FHIP1A: variants seen among roughly 807,000 people sequenced by gnomAD.
The protein encoded by FHIP1A is FHF complex subunit HOOK interacting protein 1A.
FHIP1A carries 61 observed loss-of-function variants against 88.6 expected under a neutral mutation model. That is an observed-to-expected ratio of 0.69 (90% CI 0.56 to 0.85). The LOEUF is 0.85. FHIP1A is among the 40% of genes least tolerant of loss of function. The pLI is 0.00. For missense variants in FHIP1A, 1,154 were observed against 1,273.5 expected, an observed-to-expected ratio of 0.91 and a Z score of 1.43; for synonymous variants, 478 against 496.0, an observed-to-expected ratio of 0.96 and a Z score of 0.48.
rs561315713 is a variant in FHIP1A at position 151,538,088 on chromosome 4, G to GGTTTGTATTTCAT, written c.-122-28046_-122-28034dup. 1.6e-4 allele frequency among the ~76,000 whole-genome samples: 24 copies of GGTTTGTATTTCAT among 152,264 alleles called. No individual in the cohort carries two copies. In the South Asian group the frequency reaches 5.0e-3, roughly 32 times the overall value. ...GAGTCAGAAGCAGCAAACTTTGAGG[G>GGTTTGTATTTCAT]GTTTGTATTTCATGTTGAGAACGTT... is the stretch of plus-strand genomic sequence containing the variant. On this transcript the variant is annotated intron_variant, in intron 3 of 13. Transcript: ENST00000435205.
intron 3 of FHIP1A, among the ~76,000 whole-genome samples, chr4:151,555,814 A>G (rs1013470381): frequency 2.0e-5 from 3 of 152,172 alleles, no homozygotes; most frequent in Admixed American, 1.3e-4. Context: ...TCAGCTAGTA[A>G]TTTTGATCAA....
At chr4:151,528,833 C>A (rs1030216339) in intron 3 of FHIP1A, among the ~76,000 whole-genome samples, 1 of 152,034 alleles carries the variant, frequency 6.6e-6, no homozygotes, top group Non-Finnish European at 1.5e-5. Flanking sequence ...ATAATATTTT[C>A]CCCCCCTTCA....
At chr4:151,536,727 G>T (rs1182518199) in intron 3 of FHIP1A, among the ~76,000 whole-genome samples, 1 of 152,180 alleles carries the variant, frequency 6.6e-6, no homozygotes, top group Non-Finnish European at 1.5e-5. Flanking sequence ...TATCTCAGCT[G>T]ATTCTGGTTT....
At chr4:151,620,472 A>G (rs1247768711) in intron 7 of FHIP1A, among the ~76,000 whole-genome samples, 1 of 152,224 alleles carries the variant, frequency 6.6e-6, no homozygotes, top group Non-Finnish European at 1.5e-5. Context: ...AGGTCGTCTT[A>G]AGCATTTGAC....
chr4:151,531,850 T>A (rs1294938402), intron 3 of FHIP1A, among the ~76,000 whole-genome samples: 1 of 152,170 alleles, frequency 6.6e-6, no homozygotes, highest in Non-Finnish European at 1.5e-5. Context: ...GGACAGAGCC[T>A]AAGTCAGAAT....
chr4:151,527,196 G>A (rs955893894), intron 3 of FHIP1A, among the ~76,000 whole-genome samples: 2 of 152,168 alleles, frequency 1.3e-5, no homozygotes, highest in Non-Finnish European at 2.9e-5. Flanking sequence ...AGGTTGTAGC[G>A]AGCCGAGATC....
At chr4:151,541,631 CTGTT>C (rs1393533833) in intron 3 of FHIP1A, among the ~76,000 whole-genome samples, 1 of 152,178 alleles carries the variant, frequency 6.6e-6, no homozygotes, top group Non-Finnish European at 1.5e-5. Context: ...TTTTGGCACA[CTGTT>C]TTCCTCAGTT....
intron 1 of FHIP1A, among the ~76,000 whole-genome samples, chr4:151,452,499 G>C (rs965210239): frequency 7.9e-5 from 12 of 152,166 alleles, no homozygotes; most frequent in Admixed American, 2.0e-4. Flanking sequence ...GCTGAGGTGG[G>C]CGGATCAGTT....
intron 7 of FHIP1A, among the ~76,000 whole-genome samples, chr4:151,592,684 T>G (rs1367642685): frequency 6.6e-6 from 1 of 152,236 alleles, no homozygotes; most frequent in Non-Finnish European, 1.5e-5. Context: ...ATGGATAGAT[T>G]GCAAAAATTT....
chr4:151,634,599 G>A (rs573566695), intron 8 of FHIP1A, among the ~76,000 whole-genome samples: 18 of 151,756 alleles, frequency 1.2e-4, no homozygotes, highest in South Asian at 6.2e-4. Context: ...GAAATGAACC[G>A]TTGTATTATG....
At chr4:151,545,369 CTTTTTTTTT>C (rs569126288) in intron 3 of FHIP1A, among the ~76,000 whole-genome samples, 8 of 81,684 alleles carry the variant, frequency 9.8e-5, no homozygotes, top group Middle Eastern at 8.9e-3. Context: ...CCTTATCCTT[CTTTTTTTTT>C]TTTTTTTTTT....
intron 7 of FHIP1A, among the ~76,000 whole-genome samples, chr4:151,598,285 G>A (rs1734728046): frequency 6.6e-6 from 1 of 152,108 alleles, no homozygotes; most frequent in South Asian, 2.1e-4. Flanking sequence ...GGCTAGGGGA[G>A]CGAGTTCCCC....
intron 3 of FHIP1A, among the ~76,000 whole-genome samples, chr4:151,550,001 A>G (rs1732663608): frequency 6.6e-6 from 1 of 152,140 alleles, no homozygotes; most frequent in South Asian, 2.1e-4. Flanking sequence ...AAAAGGGTTT[A>G]TTTTTGAAAG....
At chr4:151,642,575 A>G (rs879498755) in intron 9 of FHIP1A, among the ~76,000 whole-genome samples, 8 of 152,212 alleles carry the variant, frequency 5.3e-5, no homozygotes, top group Admixed American at 1.3e-4. Context: ...TTTTGAATTC[A>G]CTAACATTGC....
At chr4:151,574,596 T>A (rs1024929660) in intron 4 of FHIP1A, among the ~76,000 whole-genome samples, 1 of 152,088 alleles carries the variant, frequency 6.6e-6, no homozygotes, top group Non-Finnish European at 1.5e-5. Flanking sequence ...AGATCTCTAA[T>A]TGTTAATTGT....
At chr4:151,662,298 T>C (rs893332050) in intron 13 of FHIP1A, among the ~76,000 whole-genome samples, 1 of 152,208 alleles carries the variant, frequency 6.6e-6, no homozygotes, top group Non-Finnish European at 1.5e-5. Context: ...TATCAGATGC[T>C]ATATGGTGGA....
rs529536800 is a variant in FHIP1A, at chr4:151,485,594, T to G, written c.-123+2946T>G. ...AGCCCAGAGGGTGGAGCTCAGAGTT[T>G]TTTTTTTTTTTTTTGAGACAAATCC... On this transcript the variant is annotated intron_variant, in intron 3 of 13. Transcript: ENST00000435205. Among the ~76,000 whole-genome samples, 852 of 150,518 alleles carry G rather than the reference T, an allele frequency of 5.7e-3. 3 individuals carry two copies. Among genetic ancestry groups the G allele is most frequent in the Middle Eastern group, 0.014 (4 of 290 alleles).
intron 3 of FHIP1A, among the ~76,000 whole-genome samples, chr4:151,543,623 C>T (rs567073591): frequency 2.0e-5 from 3 of 152,242 alleles, no homozygotes; most frequent in South Asian, 4.1e-4. Flanking sequence ...GGGCATTATA[C>T]GTACACACAT....
chr4:151,523,672 G>A (rs1324199936), intron 3 of FHIP1A, among the ~76,000 whole-genome samples: 2 of 152,164 alleles, frequency 1.3e-5, no homozygotes, highest in Admixed American at 6.5e-5. Flanking sequence ...GGTGGATTAT[G>A]TCCATTTGTC....
Sources: allele counts gnomAD v4.1 joint callset (sites outside exome capture counted in the v4.1 genomes callset), GRCh38; gene constraint gnomAD v4.1.1; transcripts MANE v1.5; gene names NCBI Gene and HGNC (gene_info 2026-07-23, HGNC 2026-07-21).